Variants in PCSK6 observed in about 807,000 individuals in gnomAD.
PCSK6 encodes the protein proprotein convertase subtilisin/kexin type 6, also known as paired basic amino acid cleaving enzyme 4.
In PCSK6, 85 loss-of-function variants were observed where a neutral mutation model predicts 123.3. The observed-to-expected ratio is 0.69, with a 90% CI of 0.58 to 0.83. The LOEUF (loss-of-function observed/expected upper bound fraction) is 0.83, where lower values mean the gene tolerates loss of function less well. Ranked by LOEUF, PCSK6 falls within the 40% of genes least tolerant of loss-of-function variation. The probability of loss-of-function intolerance (pLI) is 0.00; values close to 1 mark genes in which losing one functional copy is unlikely to be tolerated. For synonymous variants in PCSK6, 508 were observed against 516.0 expected (o/e 0.98, Z 0.21); for missense variants, 1,191 against 1,282.3 (o/e 0.93, Z 1.09).
chr15:101,358,105 C>A (rs566663012), intron 13 of PCSK6, among the ~76,000 whole-genome samples: 1 of 152,242 alleles, frequency 6.6e-6, no homozygotes, highest in African/African-American at 2.4e-5. Context: ...AAGCCTGGCT[C>A]GTCACTGCTG....
At chr15:101,347,518 T>C in intron 13 of PCSK6, 1 of 1,347,132 alleles carries the variant, frequency 7.4e-7, no homozygotes, top group African/African-American at 1.5e-5. Flanking sequence ...TGGTTAAAAT[T>C]ATGTAAGCTC....
At chr15:101,447,870 C>T (rs1396384626) in intron 1 of PCSK6, among the ~76,000 whole-genome samples, 2 of 152,180 alleles carry the variant, frequency 1.3e-5, no homozygotes, top group Admixed American at 6.5e-5. Context: ...GAATCAGGAG[C>T]GGTGGCTTCC....
intron 12 of PCSK6, among the ~76,000 whole-genome samples, chr15:101,369,509 G>C (rs1302712939): frequency 6.6e-6 from 1 of 152,244 alleles, no homozygotes; most frequent in African/African-American, 2.4e-5. Flanking sequence ...GCTTCCTGCA[G>C]ATGATGTGGG....
At chr15:101,414,950 A>G (rs572105505) in intron 6 of PCSK6, among the ~76,000 whole-genome samples, 1 of 152,362 alleles carries the variant, frequency 6.6e-6, no homozygotes, top group Admixed American at 6.5e-5. Context: ...TATGAGAAGA[A>G]GGATGATAAA....
At chr15:101,436,569 C>T (rs776084959) in intron 2 of PCSK6, among the ~76,000 whole-genome samples, 5 of 152,198 alleles carry the variant, frequency 3.3e-5, no homozygotes, top group Non-Finnish European at 7.3e-5. Context: ...GGCCATACCT[C>T]GGCACCCAGG....
intron 18 of PCSK6, among the ~76,000 whole-genome samples, chr15:101,320,926 G>T (rs1021318006): frequency 5.3e-5 from 8 of 152,290 alleles, no homozygotes; most frequent in African/African-American, 1.9e-4. Context: ...GACAGGAGGC[G>T]TTTTCTCTTT....
At position 101,325,010 on chromosome 15, in the gene PCSK6, C is replaced by A; in HGVS notation, c.2217G>T (p.Gly739=). The A allele has an allele frequency of 6.2e-7, 1 of 1,611,596 alleles. No homozygotes were observed. Among genetic ancestry groups the A allele is most frequent in the Non-Finnish European group, 8.5e-7 (1 of 1,179,756 alleles). The part of the protein sequence containing the change: ...CVSVCPLGYF[G]DTAARRCRRC... ...GGCGACAGCGTCTTGCTGCTGTGTC[C>A]CCAAAGTAGCCCAAGGGGCACACAC... Residue 739 remains glycine (G), a synonymous_variant, in exon 17 of 22, where the codon GGG becomes GGT. Transcript: ENST00000611716.
Position 101,398,455 on chromosome 15 carries a change from C to T in PCSK6, c.945G>A (p.Val315=). ...SWGPDDDGKT[V]DGPGRLAKQA... is the part of the protein sequence containing the mutation. Reference sequence around the variant, plus strand: ...GCTTAGCCAGTCGGCCGGGCCCGTCCACCGTCTTGCCGTCGTCGTCCGGCC... The same window carrying T: ...GCTTAGCCAGTCGGCCGGGCCCGTCTACCGTCTTGCCGTCGTCGTCCGGCC... Residue 315 remains valine, a synonymous_variant, in exon 7 of 22, where the codon GTG becomes GTA. Coordinates refer to ENST00000611716, the MANE Select transcript of PCSK6 (RefSeq NM_002570.5). The surrounding 1 kb of genome is among the most constrained non-coding windows in gnomAD (Gnocchi z 4.6). 1.2e-6 allele frequency: 2 copies of T among 1,613,926 alleles called. No individual in the cohort carries two copies. Among genetic ancestry groups the T allele is most frequent in the Non-Finnish European group, 1.7e-6 (2 of 1,179,798 alleles).
intron 2 of PCSK6, 41 bp from the exon 3 acceptor site, chr15:101,432,141 T>C (rs751743610): frequency 2.8e-5 from 42 of 1,521,692 alleles, no homozygotes; most frequent in Admixed American, 1.5e-4. Context: ...TTAGAAATGA[T>C]TTCTTGATTT....
rs2141324780 is a variant in PCSK6, at chr15:101,305,309, T to C, written c.2859A>G (p.Glu953=). The change falls in exon 22 of 22, where the codon GAA becomes GAG. Residue 953 remains glutamate, a synonymous_variant. Transcript: ENST00000611716. The surrounding 1 kb of genome is among the most constrained non-coding windows in gnomAD (Gnocchi z 4.8). ...CEMVKSNRLC[E]RKLFIQFCCR... ...AGCAGAACTGAATGAAGAGCTTCCG[T>C]TCGCACAGCCGGTTGGACTTCACCA... The C allele has an allele frequency of 6.2e-7, 1 of 1,612,880 alleles. No homozygotes were observed.
chr15:101,409,475 C>T (rs137977022), intron 6 of PCSK6, among the ~76,000 whole-genome samples: 2,373 of 151,598 alleles, frequency 0.016, 67 homozygotes, highest in African/African-American at 0.055. Flanking sequence ...GTCCCAGCTA[C>T]TCGGGAGGCT....
intron 13 of PCSK6, among the ~76,000 whole-genome samples, chr15:101,349,575 C>T (rs768662389): frequency 5.3e-5 from 8 of 152,324 alleles, no homozygotes; most frequent in Admixed American, 1.3e-4. Context: ...TGTGGTAAAA[C>T]ACACACTTGC....
rs2057594758 is a variant in PCSK6 at position 101,471,139 on chromosome 15, G to A, written c.297+18235C>T. On this transcript the variant is annotated intron_variant, in intron 1 of 21. Transcript: ENST00000611716. ...CCTGGGGAAAGCCTAGCAAGTTAGT[G>A]GCTCAGAGAGCCACAGTAATCCTTT... 2.6e-5 allele frequency among the ~76,000 whole-genome samples: 4 copies of A among 152,214 alleles called. No homozygotes were observed. The South Asian group carries it at 8.4e-4, about 32-fold the overall frequency.
chr15:101,412,213 T>C (rs553334383), intron 6 of PCSK6, among the ~76,000 whole-genome samples: 5 of 152,328 alleles, frequency 3.3e-5, no homozygotes, highest in African/African-American at 1.2e-4. Context: ...AACAGAAGGC[T>C]GAAGTCAGGT....
intron 15 of PCSK6, among the ~76,000 whole-genome samples, chr15:101,327,933 G>C (rs1037804748): frequency 8.5e-5 from 13 of 152,104 alleles, no homozygotes; most frequent in African/African-American, 3.1e-4. Context: ...CTGGGTTCCA[G>C]ATGCCACTCA....
At chr15:101,320,973 C>T (rs75150887) in intron 18 of PCSK6, among the ~76,000 whole-genome samples, 10,385 of 152,268 alleles carry the variant, frequency 0.068, 692 homozygotes, top group African/African-American at 0.16. Flanking sequence ...CGATTTCCCT[C>T]TCCTACAGGA....
At chr15:101,486,755 A>G (rs1381655133) in intron 1 of PCSK6, among the ~76,000 whole-genome samples, 1 of 152,258 alleles carries the variant, frequency 6.6e-6, no homozygotes, top group Non-Finnish European at 1.5e-5. Flanking sequence ...GAAGAAAGTA[A>G]AACAAGCAAG....
Position 101,324,993 on chromosome 15 carries a change from C to T in PCSK6, c.2234G>A (p.Arg745His), listed in dbSNP as rs750174570. Residue 745 changes from arginine (R) to histidine (H), a missense_variant, in exon 17 of 22, where the codon CGC (arginine) becomes CAC (histidine). Physicochemically the swap from Arg to His is conservative, Grantham distance 29 (BLOSUM62 0). This residue lies in a region of PCSK6 where 630 missense variants were observed against 631.4 expected (regional missense o/e 1.00). Transcript: ENST00000611716. ...ACACCCCTTGTGGCACCGGCGACAG[C>T]GTCTTGCTGCTGTGTCCCCAAAGTA... ...LGYFGDTAAR[R>H]CRRCHKGCET... 9 of 1,612,540 alleles carry T rather than the reference C, an allele frequency of 5.6e-6. No homozygotes were observed. Among genetic ancestry groups the T allele is most frequent in the Middle Eastern group, 3.3e-4 (2 of 6,060 alleles).
At chr15:101,413,960 A>G (rs1273566577) in intron 6 of PCSK6, among the ~76,000 whole-genome samples, 1 of 152,222 alleles carries the variant, frequency 6.6e-6, no homozygotes, top group Non-Finnish European at 1.5e-5. Context: ...TTCAAATATA[A>G]CAATATAGGC....
Sources: gnomAD v4.1 joint callset for allele counts (sites outside exome capture counted in the v4.1 genomes callset) on GRCh38, gnomAD v4.1.1 for gene constraint, gnomAD v4.1.1 regional missense constraint, Gnocchi (gnomAD v3.1) non-coding constraint, MANE v1.5 for transcripts, NCBI Gene and HGNC (gene_info 2026-07-23, HGNC 2026-07-21) for gene names.